The following ADGRB3 variants were observed in gnomAD, a reference collection of about 807,000 sequenced individuals.
ADGRB3 encodes the protein brain-specific angiogenesis inhibitor 3.
A neutral mutation model predicts 193.4 loss-of-function variants in ADGRB3; 37 were observed. The ratio of observed to expected loss-of-function variants is 0.19; its 90% CI spans 0.15 to 0.25. The LOEUF (loss-of-function observed/expected upper bound fraction) is 0.25, where lower values mean the gene tolerates loss of function less well. Ranked by LOEUF, ADGRB3 falls within the 10% of genes least tolerant of loss-of-function variation. ADGRB3 has a pLI of 1.00. For missense variants in ADGRB3, 1,637 were observed against 1,852.9 expected, an observed-to-expected ratio of 0.88 and a Z score of 2.14; for synonymous variants, 690 against 644.2, an observed-to-expected ratio of 1.07 and a Z score of -1.08.
intron 20 of ADGRB3, among the ~76,000 whole-genome samples, chr6:69,252,070 C>A (rs1236255291): frequency 6.6e-6 from 1 of 152,106 alleles, no homozygotes; most frequent in Non-Finnish European, 1.5e-5. Context: ...CAATCCCCAT[C>A]CCCTCATAGG....
At chr6:68,974,648 GA>G (rs920524741) in intron 8 of ADGRB3, 114 bp from the exon 9 acceptor site, 82 of 739,980 alleles carry the variant, frequency 1.1e-4, no homozygotes, top group African/African-American at 4.7e-4. Context: ...AAAAAAGAAA[GA>G]AAAAAAAAGA....
intron 3 of ADGRB3, among the ~76,000 whole-genome samples, chr6:68,921,348 C>G (rs533833174): frequency 6.6e-6 from 1 of 152,064 alleles, no homozygotes; most frequent in Non-Finnish European, 1.5e-5. Context: ...ATCAACAAGG[C>G]AGGAATAATA....
At chr6:68,929,041 A>G (rs1365289265) in intron 3 of ADGRB3, among the ~76,000 whole-genome samples, 1 of 152,164 alleles carries the variant, frequency 6.6e-6, no homozygotes, top group Non-Finnish European at 1.5e-5. Flanking sequence ...GCCTGGCAAA[A>G]CATGGTTTAG....
At chr6:69,044,018 G>GC (rs948199611) in intron 13 of ADGRB3, among the ~76,000 whole-genome samples, 51 of 152,128 alleles carry the variant, frequency 3.4e-4, no homozygotes, top group African/African-American at 1.2e-3. Context: ...TCCAGCCTGG[G>GC]CGACAGAGCG....
intron 3 of ADGRB3, among the ~76,000 whole-genome samples, chr6:68,898,805 C>T (rs546698898): frequency 3.9e-5 from 6 of 152,206 alleles, no homozygotes; most frequent in African/African-American, 1.4e-4. Flanking sequence ...AATCCATAAC[C>T]TCAATCTAAT....
chr6:69,147,891 T>A (rs1774550013), intron 17 of ADGRB3, among the ~76,000 whole-genome samples: 1 of 152,222 alleles, frequency 6.6e-6, no homozygotes, highest in South Asian at 2.1e-4. Flanking sequence ...TATTATTATA[T>A]AATGACCTTC....
At chr6:69,359,551 T>A (rs896014874) in intron 28 of ADGRB3, among the ~76,000 whole-genome samples, 1 of 151,910 alleles carries the variant, frequency 6.6e-6, no homozygotes, top group Non-Finnish European at 1.5e-5. Flanking sequence ...ATTACATGAA[T>A]GATTCATGTT....
At chr6:68,750,523 A>G (rs1291898640) in intron 3 of ADGRB3, among the ~76,000 whole-genome samples, 1 of 152,204 alleles carries the variant, frequency 6.6e-6, no homozygotes, top group Non-Finnish European at 1.5e-5. Flanking sequence ...ACTGAAGCAA[A>G]ATATTAAGAA....
intron 29 of ADGRB3, among the ~76,000 whole-genome samples, chr6:69,368,148 T>TA (rs1388957948): frequency 6.6e-5 from 10 of 151,114 alleles, no homozygotes; most frequent in Admixed American, 3.3e-4. Context: ...AGTATAATAT[T>TA]AAAAAAAAAG....
intron 3 of ADGRB3, among the ~76,000 whole-genome samples, chr6:68,896,189 G>C (rs1379890250): frequency 6.6e-6 from 1 of 152,124 alleles, no homozygotes; most frequent in African/African-American, 2.4e-5. Flanking sequence ...TTGTTGACCT[G>C]ACAGCTAATA....
intron 20 of ADGRB3, among the ~76,000 whole-genome samples, chr6:69,317,814 G>A (rs1768350641): frequency 6.6e-6 from 1 of 151,244 alleles, no homozygotes; most frequent in Admixed American, 6.6e-5. Flanking sequence ...GTGTGGTTTG[G>A]GAGGTAGAAG....
At chr6:69,239,287 A>G (rs548965262) in intron 20 of ADGRB3, 61 bp downstream of exon 20, 51 of 1,144,342 alleles carry the variant, frequency 4.5e-5, no homozygotes, top group Non-Finnish European at 2.5e-6. Context: ...ATTGTTAGTT[A>G]TTGATAATCT....
chr6:68,950,793 C>T (rs542847815), intron 6 of ADGRB3, among the ~76,000 whole-genome samples: 1 of 152,222 alleles, frequency 6.6e-6, no homozygotes, highest in South Asian at 2.1e-4. Flanking sequence ...CATCAGCTCT[C>T]TCTGGACTAC....
At chr6:69,117,629 G>C (rs1773571826) in intron 17 of ADGRB3, among the ~76,000 whole-genome samples, 1 of 151,996 alleles carries the variant, frequency 6.6e-6, no homozygotes, top group Non-Finnish European at 1.5e-5. Context: ...GAAATATGAG[G>C]GATTAATCAA....
At chr6:69,034,683 G>A (rs1770814428) in intron 13 of ADGRB3, among the ~76,000 whole-genome samples, 2 of 150,844 alleles carry the variant, frequency 1.3e-5, no homozygotes, top group South Asian at 2.1e-4. Flanking sequence ...GGAAGACAGA[G>A]AGAGAGTGAG....
At position 68,974,540 on chromosome 6, in the gene ADGRB3, G is replaced by A. The variant is rs995709033; in HGVS notation, c.1526-223G>A. On this transcript the variant is annotated intron_variant, in intron 8 of 31. Transcript: ENST00000370598. ...CCTAGTTACTCAAGAGACTAAGGAG[G>A]GAGGATGGCTTGAGCCCAGTAGTTT... 4.3e-4 allele frequency among the ~76,000 whole-genome samples: 65 copies of A among 152,080 alleles called. 1 individual carries two copies. Among genetic ancestry groups the A allele is most frequent in the African/African-American group, 1.1e-3 (46 of 41,410 alleles).
intron 20 of ADGRB3, among the ~76,000 whole-genome samples, chr6:69,267,205 C>G (rs999764167): frequency 6.6e-6 from 1 of 152,040 alleles, no homozygotes; most frequent in Non-Finnish European, 1.5e-5. Flanking sequence ...CAAGATCTTT[C>G]TCATAAAGCA....
chr6:69,019,423 C>T (rs1160572807), intron 13 of ADGRB3, among the ~76,000 whole-genome samples: 2 of 151,934 alleles, frequency 1.3e-5, no homozygotes, highest in Non-Finnish European at 2.9e-5. Flanking sequence ...TAGGGAAGTT[C>T]AGCTGGTAGA....
At chr6:69,109,362 A>G (rs1267550105) in intron 17 of ADGRB3, among the ~76,000 whole-genome samples, 3 of 152,148 alleles carry the variant, frequency 2.0e-5, no homozygotes, top group Non-Finnish European at 4.4e-5. Context: ...CATAATATCA[A>G]TATTATTTAC....
Sources: allele counts gnomAD v4.1 joint callset (sites outside exome capture counted in the v4.1 genomes callset), GRCh38; gene constraint gnomAD v4.1.1; transcripts MANE v1.5; gene names NCBI Gene and HGNC (gene_info 2026-07-23, HGNC 2026-07-21).